TSHZ2: variants seen among roughly 807,000 people sequenced by gnomAD.
TSHZ2 encodes the protein teashirt homolog 2.
Under a neutral mutation model 74.4 loss-of-function variants are expected in TSHZ2, and 21 were observed. That is an observed-to-expected ratio of 0.28 (90% CI 0.20 to 0.41). The LOEUF (loss-of-function observed/expected upper bound fraction) is 0.41, where lower values mean the gene tolerates loss of function less well. TSHZ2 is among the 10% of genes least tolerant of loss of function. The probability of loss-of-function intolerance (pLI) is 1.00; values close to 1 mark genes in which losing one functional copy is unlikely to be tolerated. For missense variants in TSHZ2, 1,244 were observed against 1,293.5 expected (o/e 0.96, Z 0.59); for synonymous variants, 540 against 515.3 (o/e 1.05, Z -0.65).
intron 1 of TSHZ2, among the ~76,000 whole-genome samples, chr20:53,179,842 C>T (rs1260088504): frequency 6.6e-6 from 1 of 152,072 alleles, no homozygotes; most frequent in East Asian, 1.9e-4. Flanking sequence ...GTCAAGGTAA[C>T]GATAAGAGAT....
intron 1 of TSHZ2, among the ~76,000 whole-genome samples, chr20:52,996,326 T>TATTTA (rs1218882968): frequency 8.3e-5 from 12 of 144,326 alleles, no homozygotes; most frequent in Non-Finnish European, 1.5e-4. Context: ...TTTATTTATT[T>TATTTA]ATTTATTTAT....
intron 1 of TSHZ2, among the ~76,000 whole-genome samples, chr20:53,070,510 GTAGATCATT>G (rs1353481818): frequency 6.6e-6 from 1 of 152,200 alleles, no homozygotes; most frequent in Non-Finnish European, 1.5e-5. Flanking sequence ...CTCTAAAAAT[GTAGATCATT>G]TTTATTTACA....
intron 1 of TSHZ2, among the ~76,000 whole-genome samples, chr20:53,114,484 G>A (rs528671819): frequency 1.4e-4 from 21 of 152,272 alleles, no homozygotes; most frequent in Admixed American, 1.2e-3. Flanking sequence ...AAACTATTCC[G>A]TATACAGTAA....
chr20:53,058,395 A>G (rs1171858106), intron 1 of TSHZ2, among the ~76,000 whole-genome samples: 6 of 152,364 alleles, frequency 3.9e-5, no homozygotes, highest in African/African-American at 1.4e-4. Context: ...CAACAAACTA[A>G]TTCACCTGAA....
intron 1 of TSHZ2, among the ~76,000 whole-genome samples, chr20:53,141,472 G>A (rs1016519083): frequency 4.6e-5 from 7 of 152,130 alleles, no homozygotes; most frequent in African/African-American, 1.4e-4. Context: ...TCCTGTAGCC[G>A]GCATTCAATT....
rs1239714295 is a variant in TSHZ2 at position 53,339,225 on chromosome 20, C to G, written c.*8+82654C>G. On this transcript the variant is annotated intron_variant, in intron 2 of 2. Transcript: ENST00000371497. ...TTAGTGGCAGATACTTCATCTTAGT[C>G]AACTCAGGACTCCTTCCTCTTCCAA... 5.3e-5 allele frequency among the ~76,000 whole-genome samples: 8 copies of G among 152,174 alleles called. No homozygotes were observed. In the East Asian group the frequency reaches 1.5e-3, roughly 29 times the overall value.
At chr20:53,276,261 A>G (rs1354763541) in intron 2 of TSHZ2, among the ~76,000 whole-genome samples, 4 of 150,758 alleles carry the variant, frequency 2.7e-5, no homozygotes, top group Non-Finnish European at 5.9e-5. Flanking sequence ...TTTTTTTGGA[A>G]CCACTTTTTT....
chr20:53,285,858 T>G (rs1332154656), intron 2 of TSHZ2, among the ~76,000 whole-genome samples: 2 of 152,220 alleles, frequency 1.3e-5, no homozygotes, highest in Non-Finnish European at 2.9e-5. Flanking sequence ...TTGGATTGAT[T>G]CATTCATTCA....
intron 2 of TSHZ2, among the ~76,000 whole-genome samples, chr20:53,411,095 G>A (rs1197234167): frequency 6.6e-6 from 1 of 152,176 alleles, no homozygotes; most frequent in Non-Finnish European, 1.5e-5. Flanking sequence ...GTTCATAACT[G>A]TGAACCATGT....
At chr20:53,065,192 T>C (rs6022263) in intron 1 of TSHZ2, among the ~76,000 whole-genome samples, 92,689 of 152,110 alleles carry the variant, frequency 0.61, 29,985 homozygotes, top group African/African-American at 0.83. Context: ...TGATAATGCG[T>C]GAAGAGCTGT....
In TSHZ2 at chr20:52,972,516, G is replaced by A; in HGVS notation, c.-778G>A. 6.5e-6 allele frequency: 1 copy of A among 154,808 alleles called. No homozygotes were observed. The highest frequency in any genetic ancestry group is 1.4e-5 in the Non-Finnish European group (1 of 69,982). The allele number at this position is 154,808 out of a possible 1,614,324, so 9.6% of individuals were successfully genotyped here. A position where few individuals can be genotyped will look rare whatever the true frequency, so the allele number is the denominator to read the frequency against. On this transcript the variant is annotated 5_prime_UTR_variant, in exon 1 of 3. In the 5' UTR this introduces an upstream ATG that the reference lacks. Transcript: ENST00000371497. ...GGTGCGTGCGCGTGTGAGTGCGTGT[G>A]TGAGTGTCTGTGTGTGTGTCTGTGT...
chr20:53,018,607 T>C (rs1983125097), intron 1 of TSHZ2, among the ~76,000 whole-genome samples: 2 of 152,244 alleles, frequency 1.3e-5, no homozygotes, highest in Non-Finnish European at 1.5e-5. Flanking sequence ...CTTTGTCCTA[T>C]CACAGGTCAC....
intron 1 of TSHZ2, among the ~76,000 whole-genome samples, chr20:53,017,584 T>C (rs979629411): frequency 1.3e-5 from 2 of 151,988 alleles, no homozygotes; most frequent in Non-Finnish European, 2.9e-5. Flanking sequence ...GTTTTTAAAT[T>C]AAGTAAATAT....
chr20:53,342,715 G>A (rs1014178482), intron 2 of TSHZ2, among the ~76,000 whole-genome samples: 1 of 152,066 alleles, frequency 6.6e-6, no homozygotes, highest in Admixed American at 6.6e-5. Context: ...GAAGAATGTA[G>A]ACCCCAATCC....
At chr20:53,303,012 G>A (rs1449552127) in intron 2 of TSHZ2, among the ~76,000 whole-genome samples, 2 of 152,168 alleles carry the variant, frequency 1.3e-5, no homozygotes, top group African/African-American at 4.8e-5. Flanking sequence ...AGTTCTTTCT[G>A]CTGTAGGCCA....
chr20:53,456,018 CAT>C (rs1315159837), intron 2 of TSHZ2, among the ~76,000 whole-genome samples: 1 of 148,750 alleles, frequency 6.7e-6, no homozygotes, highest in African/African-American at 2.5e-5. Context: ...CCACAATAAA[CAT>C]ATGTGTGCAT....
At chr20:53,001,218 G>GCGTGTGTGTGTA (rs1982409461) in intron 1 of TSHZ2, among the ~76,000 whole-genome samples, 1 of 145,156 alleles carries the variant, frequency 6.9e-6, no homozygotes, top group African/African-American at 2.6e-5. Context: ...GTGTGTGTGT[G>GCGTGTGTGTGTA]TGTGTGTGTG....
At chr20:53,038,869 T>G (rs931895968) in intron 1 of TSHZ2, among the ~76,000 whole-genome samples, 16 of 124,286 alleles carry the variant, frequency 1.3e-4, no homozygotes, top group African/African-American at 5.1e-4. Context: ...GTTTTTTTTT[T>G]GTTTGTTTGT....
At chr20:53,149,021 A>G (rs1259142114) in intron 1 of TSHZ2, among the ~76,000 whole-genome samples, 2 of 152,226 alleles carry the variant, frequency 1.3e-5, no homozygotes, top group Non-Finnish European at 2.9e-5. Flanking sequence ...TCTGTGGCTT[A>G]CTTGATGCCA....
Sources: gnomAD v4.1 joint callset for allele counts (sites outside exome capture counted in the v4.1 genomes callset) on GRCh38, gnomAD v4.1.1 for gene constraint, MANE v1.5 for transcripts, NCBI Gene and HGNC (gene_info 2026-07-23, HGNC 2026-07-21) for gene names.